The following GLRA3 variants were observed in gnomAD, a reference collection of about 807,000 sequenced individuals.
GLRA3 encodes glycine receptor subunit alpha-3.
A neutral mutation model predicts 60.4 loss-of-function variants in GLRA3; 44 were observed. That is an observed-to-expected ratio of 0.73 (90% CI 0.57 to 0.94). GLRA3 has a LOEUF of 0.94. Among genes scored for constraint, GLRA3 ranks in the 40% least tolerant of loss-of-function variants. The pLI, the probability that GLRA3 is intolerant of heterozygous loss-of-function variation, is 0.00. For synonymous variants in GLRA3, 223 were observed against 192.9 expected (o/e 1.16, Z -1.29); for missense variants, 508 against 564.6 (o/e 0.90, Z 1.02).
intron 1 of GLRA3, among the ~76,000 whole-genome samples, chr4:174,790,861 G>A (rs1012042224): frequency 8.2e-5 from 12 of 146,686 alleles, no homozygotes; most frequent in South Asian, 2.2e-4. Flanking sequence ...GAAATTAGCC[G>A]GGCGTAGTGG....
intron 7 of GLRA3, among the ~76,000 whole-genome samples, chr4:174,675,004 T>A (rs1734059386): frequency 6.6e-6 from 1 of 152,180 alleles, no homozygotes; most frequent in Non-Finnish European, 1.5e-5. Context: ...CCTTGGGGTC[T>A]GCCCTACTAA....
chr4:174,783,701 CA>C (rs1738992968), intron 2 of GLRA3, among the ~76,000 whole-genome samples: 1 of 147,796 alleles, frequency 6.8e-6, no homozygotes, highest in Non-Finnish European at 1.5e-5. Context: ...TTTATGCAGC[CA>C]AAAGACACAT....
chr4:174,826,507 T>G (rs1362191025), intron 1 of GLRA3, among the ~76,000 whole-genome samples: 2 of 152,188 alleles, frequency 1.3e-5, no homozygotes, highest in Admixed American at 1.3e-4. Context: ...TTCACTTGGG[T>G]GTGTTCCCTT....
At chr4:174,753,793 C>G (rs1289893845) in intron 3 of GLRA3, among the ~76,000 whole-genome samples, 2 of 152,140 alleles carry the variant, frequency 1.3e-5, no homozygotes, top group African/African-American at 4.8e-5. Flanking sequence ...TTTGCCATTA[C>G]ATTTAACTCT....
intron 2 of GLRA3, among the ~76,000 whole-genome samples, chr4:174,770,242 CT>C (rs1308359343): frequency 6.6e-6 from 1 of 152,070 alleles, no homozygotes; most frequent in Non-Finnish European, 1.5e-5. Flanking sequence ...TTGAAATCAC[CT>C]GGCAATCTTT....
At chr4:174,680,126 C>T (rs1175657246) in intron 6 of GLRA3, among the ~76,000 whole-genome samples, 1 of 152,070 alleles carries the variant, frequency 6.6e-6, no homozygotes, top group African/African-American at 2.4e-5. Flanking sequence ...AAAACATGTA[C>T]AGCTATTATG....
intron 9 of GLRA3, among the ~76,000 whole-genome samples, chr4:174,647,586 A>G (rs1461976802): frequency 6.6e-6 from 1 of 152,126 alleles, no homozygotes; most frequent in Admixed American, 6.5e-5. Flanking sequence ...TGACACTGCA[A>G]ACTAGTGACT....
At chr4:174,715,370 C>A (rs1365540596) in intron 5 of GLRA3, 118 bp downstream of exon 5, 3 of 602,684 alleles carry the variant, frequency 5.0e-6, no homozygotes, top group Non-Finnish European at 9.2e-6. Flanking sequence ...AGGTTACATG[C>A]CTATTCAGTA....
At chr4:174,751,180 A>G (rs1250226103) in intron 3 of GLRA3, among the ~76,000 whole-genome samples, 3 of 151,994 alleles carry the variant, frequency 2.0e-5, no homozygotes, top group East Asian at 1.9e-4. Context: ...TCACACCTTT[A>G]TAGAAGCTTT....
At chr4:174,789,193 G>A (rs568445610) in intron 1 of GLRA3, among the ~76,000 whole-genome samples, 7 of 152,190 alleles carry the variant, frequency 4.6e-5, no homozygotes, top group African/African-American at 7.2e-5. Context: ...GAAAACAAAG[G>A]CCACTTCCAA....
intron 5 of GLRA3, among the ~76,000 whole-genome samples, chr4:174,683,387 G>A (rs1246447438): frequency 6.6e-6 from 1 of 151,162 alleles, no homozygotes; most frequent in Non-Finnish European, 1.5e-5. Context: ...GTCTCACTCT[G>A]TCACCCAGGC....
intron 2 of GLRA3, among the ~76,000 whole-genome samples, chr4:174,782,252 T>C (rs1357973405): frequency 1.3e-5 from 2 of 151,114 alleles, no homozygotes; most frequent in African/African-American, 4.9e-5. Flanking sequence ...AAAAAGCCTT[T>C]GACAAAATTC....
At position 174,640,338 on chromosome 4, in the gene GLRA3, C is replaced by T. The variant is rs1732597159; in HGVS notation, c.*3448G>A. ...AAAATACTGCAAGTATTTTCCATTTCAATTTTGGCAAGTCTCTTGTATTCT... is the reference window on the plus strand; with the variant it reads ...AAAATACTGCAAGTATTTTCCATTTTAATTTTGGCAAGTCTCTTGTATTCT... On this transcript the variant is annotated 3_prime_UTR_variant, in exon 10 of 10. Transcript: ENST00000274093. The T allele has an allele frequency of 6.6e-6, 1 of 152,024 alleles. No homozygotes were observed. Among genetic ancestry groups the T allele is most frequent in the South Asian group, 2.1e-4 (1 of 4,826 alleles). The allele number at this position is 152,024 out of a possible 1,614,324, so 9.4% of individuals were successfully genotyped here. A position where few individuals can be genotyped will look rare whatever the true frequency, so the allele number is the denominator to read the frequency against.
At chr4:174,782,285 T>C (rs1738912710) in intron 2 of GLRA3, among the ~76,000 whole-genome samples, 1 of 151,558 alleles carries the variant, frequency 6.6e-6, no homozygotes, top group Admixed American at 6.6e-5. Context: ...TGCTAAAAAC[T>C]CTCTATAAAT....
intron 3 of GLRA3, among the ~76,000 whole-genome samples, chr4:174,766,546 C>G (rs1579572865): frequency 6.6e-6 from 1 of 151,838 alleles, no homozygotes; most frequent in African/African-American, 2.4e-5. Context: ...TTGGCAAATA[C>G]CATATTCATT....
At position 174,732,045 on chromosome 4, in the gene GLRA3, C is replaced by T. The variant is rs140213700; in HGVS notation, c.268-3347G>A. Reference sequence around the variant, plus strand: ...GGCAAAATGATCCTTTATACATCGCCGCGAAAAGTATAAAAAGATGGAAAA... The same window carrying T: ...GGCAAAATGATCCTTTATACATCGCTGCGAAAAGTATAAAAAGATGGAAAA... On this transcript the variant is annotated intron_variant, in intron 3 of 9. Coordinates refer to ENST00000274093, the MANE Select transcript of GLRA3 (RefSeq NM_006529.4). Among the ~76,000 whole-genome samples, 755 of 152,138 alleles carry T rather than the reference C, an allele frequency of 5.0e-3. 3 individuals are homozygous for T. The highest frequency in any genetic ancestry group is 8.6e-3 in the Admixed American group (132 of 15,278).
chr4:174,716,706 C>T (rs1735930776), intron 4 of GLRA3, among the ~76,000 whole-genome samples: 1 of 152,096 alleles, frequency 6.6e-6, no homozygotes. Flanking sequence ...AACAATAGTA[C>T]CTACTCCAGA....
At chr4:174,721,730 G>A (rs1023003593) in intron 4 of GLRA3, among the ~76,000 whole-genome samples, 1 of 150,732 alleles carries the variant, frequency 6.6e-6, no homozygotes, top group Non-Finnish European at 1.5e-5. Context: ...AGATATAAAT[G>A]CCATATAACT....
chr4:174,782,621 C>T (rs571448006), intron 2 of GLRA3, among the ~76,000 whole-genome samples: 4 of 152,126 alleles, frequency 2.6e-5, no homozygotes, highest in Non-Finnish European at 5.9e-5. Context: ...TCAGCAAAGT[C>T]TCAGGATACA....
Sources: allele counts gnomAD v4.1 joint callset (sites outside exome capture counted in the v4.1 genomes callset), GRCh38; gene constraint gnomAD v4.1.1; transcripts MANE v1.5; gene names NCBI Gene and HGNC (gene_info 2026-07-23, HGNC 2026-07-21).